Variants in SOX6 observed in about 807,000 individuals in gnomAD.
SOX6 encodes transcription factor SOX-6.
In SOX6, 11 loss-of-function variants were observed where a neutral mutation model predicts 97.8. The observed-to-expected ratio is 0.11, with a 90% CI of 0.07 to 0.19. The LOEUF is 0.19. Ranked by LOEUF, SOX6 falls within the 10% of genes least tolerant of loss-of-function variation. The probability of loss-of-function intolerance (pLI) is 1.00; values close to 1 mark genes in which losing one functional copy is unlikely to be tolerated. For synonymous variants in SOX6, 360 were observed against 371.4 expected (o/e 0.97, Z 0.35); for missense variants, 810 against 1,039.5 (o/e 0.78, Z 3.04).
chr11:16,373,821 GAGGAAGGAAGGAAGGA>G (rs149710263), intron 1 of SOX6, among the ~76,000 whole-genome samples: 1,858 of 105,446 alleles, frequency 0.018, 97 homozygotes, highest in African/African-American at 0.065. Flanking sequence ...GGGAGGGAGA[GAGGAAGGAAGGAAGGA>G]AGGAAGGAAG....
chr11:16,423,670 T>C (rs565345228), intron 1 of SOX6, among the ~76,000 whole-genome samples: 1 of 152,194 alleles, frequency 6.6e-6, no homozygotes, highest in South Asian at 2.1e-4. Context: ...AATGGTAAAC[T>C]TGCTGAATTT....
rs116454038 is a variant in SOX6 at position 16,581,492 on chromosome 11, C to T, written n.609+30589G>A. 3.1e-3 allele frequency among the ~76,000 whole-genome samples: 477 copies of T among 152,158 alleles called. 4 individuals carry two copies. Among genetic ancestry groups the T allele is most frequent in the African/African-American group, 0.011 (450 of 41,520 alleles). ...AGAGCTTCAGGACAAATAGTTAATGCATGAAGGGCTTAAAACCTAGATGAC... is the reference window on the plus strand; with the variant it reads ...AGAGCTTCAGGACAAATAGTTAATGTATGAAGGGCTTAAAACCTAGATGAC... On this transcript the variant is annotated intron_variant and non_coding_transcript_variant, in intron 4 of 5. Transcript: ENST00000524520.
intron 2 of SOX6, among the ~76,000 whole-genome samples, chr11:16,732,025 C>T (rs568754683): frequency 3.2e-4 from 48 of 152,288 alleles, no homozygotes; most frequent in African/African-American, 1.0e-3. Flanking sequence ...AGGAATACAA[C>T]TTAGAATTGA....
intron 1 of SOX6, among the ~76,000 whole-genome samples, chr11:16,451,800 G>A (rs956805911): frequency 4.6e-5 from 7 of 151,980 alleles, no homozygotes; most frequent in South Asian, 2.1e-4. Context: ...TTGGGAGGCC[G>A]AGGAGAAAGG....
At chr11:16,361,874 C>T (rs562656165) in intron 1 of SOX6, among the ~76,000 whole-genome samples, 1 of 152,308 alleles carries the variant, frequency 6.6e-6, no homozygotes, top group South Asian at 2.1e-4. Flanking sequence ...TTCTTGATAA[C>T]TTCAAAATCA....
At chr11:16,394,790 AT>A (rs552098995) in intron 1 of SOX6, among the ~76,000 whole-genome samples, 22 of 151,754 alleles carry the variant, frequency 1.4e-4, no homozygotes, top group African/African-American at 4.8e-4. Context: ...CCATTATAGC[AT>A]TTCCACAAAA....
At chr11:16,032,373 CA>C (rs1057230360) in intron 12 of SOX6, among the ~76,000 whole-genome samples, 1 of 152,110 alleles carries the variant, frequency 6.6e-6, no homozygotes, top group Non-Finnish European at 1.5e-5. Flanking sequence ...TTTCTGTGAA[CA>C]TCAAATGTGA....
intron 6 of SOX6, among the ~76,000 whole-genome samples, chr11:16,142,918 A>C (rs1197885981): frequency 1.3e-5 from 2 of 152,170 alleles, no homozygotes; most frequent in African/African-American, 4.8e-5. Flanking sequence ...CCAAGTTGGA[A>C]AACACTCTGC....
intron 12 of SOX6, among the ~76,000 whole-genome samples, chr11:16,035,116 G>A (rs907996620): frequency 6.6e-6 from 1 of 152,102 alleles, no homozygotes; most frequent in African/African-American, 2.4e-5. Flanking sequence ...AGAGTTACAC[G>A]CATTGTGCAG....
intron 9 of SOX6, among the ~76,000 whole-genome samples, chr11:16,064,930 G>A (rs1848057162): frequency 6.6e-6 from 1 of 151,870 alleles, no homozygotes; most frequent in Non-Finnish European, 1.5e-5. Context: ...GAGAAAAACA[G>A]AAAGCCTTTC....
chr11:16,536,630 C>T (rs185912524), intron 4 of SOX6, among the ~76,000 whole-genome samples: 6 of 152,320 alleles, frequency 3.9e-5, no homozygotes, highest in Admixed American at 1.3e-4. Flanking sequence ...TCTTAGCAAC[C>T]GGCAGACCAG....
intron 3 of SOX6, among the ~76,000 whole-genome samples, chr11:16,702,292 T>A (rs1848100846): frequency 6.6e-6 from 1 of 152,186 alleles, no homozygotes; most frequent in South Asian, 2.1e-4. Context: ...CAAAAATGAT[T>A]CTGATCATTT....
chr11:16,635,958 A>T (rs1848780153), intron 3 of SOX6, among the ~76,000 whole-genome samples: 1 of 152,228 alleles, frequency 6.6e-6, no homozygotes, highest in African/African-American at 2.4e-5. Context: ...ATGTCCAAGC[A>T]GAGGTGTGGT....
chr11:16,306,768 G>A (rs184813296), intron 3 of SOX6, among the ~76,000 whole-genome samples: 84 of 151,972 alleles, frequency 5.5e-4, no homozygotes, highest in African/African-American at 1.6e-3. Flanking sequence ...TGAGACTACA[G>A]GTACATGCCA....
chr11:16,479,156 A>C (rs1403243010), upstream of SOX6, among the ~76,000 whole-genome samples: 1 of 152,226 alleles, frequency 6.6e-6, no homozygotes, highest in Non-Finnish European at 1.5e-5. Flanking sequence ...AATTTGTTCC[A>C]TAATATTTAG....
At chr11:16,370,315 C>A (rs978277592) in intron 1 of SOX6, among the ~76,000 whole-genome samples, 4 of 152,120 alleles carry the variant, frequency 2.6e-5, no homozygotes, top group African/African-American at 9.7e-5. Flanking sequence ...TCAATGAAAT[C>A]CCAAGTATTT....
At chr11:16,608,628 C>A (rs1171465758) in intron 4 of SOX6, among the ~76,000 whole-genome samples, 2 of 151,258 alleles carry the variant, frequency 1.3e-5, no homozygotes, top group African/African-American at 4.8e-5. Flanking sequence ...GCAATTCACA[C>A]AGGAGATTCC....
chr11:16,458,587 C>T (rs1859857613), intron 1 of SOX6, among the ~76,000 whole-genome samples: 1 of 151,914 alleles, frequency 6.6e-6, no homozygotes, highest in African/African-American at 2.4e-5. Flanking sequence ...CATCTTTTAT[C>T]GAATACTTTC....
intron 4 of SOX6, among the ~76,000 whole-genome samples, chr11:16,522,433 G>C (rs890710826): frequency 2.8e-4 from 42 of 152,050 alleles, no homozygotes; most frequent in African/African-American, 1.0e-3. Flanking sequence ...CAAATGCTGA[G>C]AGATTTTGTC....
Sources: allele counts gnomAD v4.1 joint callset (sites outside exome capture counted in the v4.1 genomes callset), GRCh38; gene constraint gnomAD v4.1.1; transcripts MANE v1.5; gene names NCBI Gene and HGNC (gene_info 2026-07-23, HGNC 2026-07-21).